COX7B2: variants seen among roughly 807,000 people sequenced by gnomAD.
COX7B2 encodes the protein cytochrome c oxidase subunit 7B2, mitochondrial.
For missense variants in COX7B2, 109 were observed against 95.9 expected (o/e 1.14, Z -0.57); for synonymous variants, 37 against 32.1 (o/e 1.15, Z -0.51).
At chr4:46,880,028 G>A (rs554995158) in intron 1 of COX7B2, among the ~76,000 whole-genome samples, 7 of 152,216 alleles carry the variant, frequency 4.6e-5, no homozygotes, top group Non-Finnish European at 7.4e-5. Flanking sequence ...TCCTTGCCTC[G>A]TGCCGGTTTT....
At chr4:46,904,339 T>C (rs1216232710) in intron 1 of COX7B2, among the ~76,000 whole-genome samples, 1 of 151,944 alleles carries the variant, frequency 6.6e-6, no homozygotes, top group Non-Finnish European at 1.5e-5. Context: ...AAAGAGCAGC[T>C]AGAACTCAAA....
chr4:46,877,047 G>A (rs929771237), intron 1 of COX7B2, among the ~76,000 whole-genome samples: 4 of 152,088 alleles, frequency 2.6e-5, no homozygotes, highest in African/African-American at 7.2e-5. Flanking sequence ...AGAATCGAAC[G>A]ACTCTCAAAA....
At chr4:46,859,881 A>G (rs1577666896) in intron 1 of COX7B2, among the ~76,000 whole-genome samples, 1 of 152,362 alleles carries the variant, frequency 6.6e-6, no homozygotes, top group South Asian at 2.1e-4. Flanking sequence ...CAGCTAGTCA[A>G]CAGCCTGTAA....
chr4:46,816,063 T>TC (rs2109677150), intron 2 of COX7B2, among the ~76,000 whole-genome samples: 1 of 152,274 alleles, frequency 6.6e-6, no homozygotes, highest in African/African-American at 2.4e-5. Context: ...CCACTCTCGG[T>TC]CAGTCCTCTG....
chr4:46,895,907 T>G (rs1280889427), intron 1 of COX7B2, among the ~76,000 whole-genome samples: 1 of 152,192 alleles, frequency 6.6e-6, no homozygotes, highest in African/African-American at 2.4e-5. Context: ...GAGTTCTTTC[T>G]ATTGCACTTT....
chr4:46,770,348 A>T (rs1716805135), intron 2 of COX7B2, among the ~76,000 whole-genome samples: 1 of 152,180 alleles, frequency 6.6e-6, no homozygotes, highest in Non-Finnish European at 1.5e-5. Context: ...CTGAAGACAC[A>T]AATAAATGAA....
chr4:46,871,905 CA>C (rs1436376942), intron 1 of COX7B2, among the ~76,000 whole-genome samples: 3 of 152,100 alleles, frequency 2.0e-5, no homozygotes, highest in Non-Finnish European at 4.4e-5. Context: ...TTGTAGAAAG[CA>C]GTATGGTGAT....
intron 2 of COX7B2, among the ~76,000 whole-genome samples, chr4:46,760,385 G>A (rs1325448894): frequency 6.6e-6 from 1 of 152,094 alleles, no homozygotes; most frequent in Non-Finnish European, 1.5e-5. Flanking sequence ...TCATAAAAAA[G>A]GATGAGTTCA....
chr4:46,883,297 G>A (rs1049994864), intron 1 of COX7B2, among the ~76,000 whole-genome samples: 2 of 151,878 alleles, frequency 1.3e-5, no homozygotes, highest in South Asian at 2.1e-4. Flanking sequence ...TGTAGATCTG[G>A]TATTTTGGTA....
intron 2 of COX7B2, among the ~76,000 whole-genome samples, chr4:46,816,474 T>A (rs1719556270): frequency 6.6e-6 from 1 of 152,186 alleles, no homozygotes; most frequent in Non-Finnish European, 1.5e-5. Context: ...TACTCATAAC[T>A]CTTTAAAAAG....
intron 1 of COX7B2, among the ~76,000 whole-genome samples, chr4:46,904,277 A>G (rs1298312394): frequency 6.6e-6 from 1 of 152,170 alleles, no homozygotes; most frequent in Non-Finnish European, 1.5e-5. Context: ...ACACTAGAGA[A>G]AAAATATTTC....
rs142410190 is a variant in COX7B2, at chr4:46,865,634, G to A, written c.-104-20620C>T. Among the ~76,000 whole-genome samples, 681 of 152,074 alleles carry A rather than the reference G, an allele frequency of 4.5e-3. 7 individuals carry two copies. Among genetic ancestry groups the A allele is most frequent in the African/African-American group, 0.016 (660 of 41,470 alleles). On this transcript the variant is annotated intron_variant, in intron 1 of 2. Transcript: ENST00000355591. ...ATCTTTTGTCCTTGTTGGGTGTAGA[G>A]GCCACTCTAAGGTCCACCCAGACAT...
At chr4:46,754,695 T>C (rs1715644823) in intron 2 of COX7B2, among the ~76,000 whole-genome samples, 2 of 114,500 alleles carry the variant, frequency 1.7e-5, no homozygotes, top group South Asian at 7.1e-4. Flanking sequence ...TACAATAAAA[T>C]ACGTGTGTGT....
chr4:46,883,822 C>T (rs1354595406), intron 1 of COX7B2, among the ~76,000 whole-genome samples: 4 of 151,582 alleles, frequency 2.6e-5, no homozygotes, highest in Admixed American at 6.6e-5. Flanking sequence ...TTGTCAAGGT[C>T]TCAAAACTTA....
chr4:46,855,417 A>G (rs911237274), intron 1 of COX7B2, among the ~76,000 whole-genome samples: 1 of 152,088 alleles, frequency 6.6e-6, no homozygotes, highest in African/African-American at 2.4e-5. Flanking sequence ...AGGAGTAAGT[A>G]TCGAAAATAA....
chr4:46,876,359 T>C (rs569557923), intron 1 of COX7B2, among the ~76,000 whole-genome samples: 75 of 152,056 alleles, frequency 4.9e-4, no homozygotes, highest in Admixed American at 8.5e-4. Context: ...AAGGGAAGAA[T>C]GATCCTCTGA....
rs1435469407 is a variant in COX7B2 at position 46,900,098 on chromosome 4, CA to C, written c.-105+9061del. Among the ~76,000 whole-genome samples the C allele has an allele frequency of 2.6e-5, 4 of 152,158 alleles. No homozygotes were observed. The East Asian group carries it at 7.7e-4, about 29-fold the overall frequency. On this transcript the variant is annotated intron_variant, in intron 1 of 2. Transcript: ENST00000355591. ...AATGATGGAGCTAACTGTTCTGATCCAAAATTAAACTTAGCTCTCCCAAAAT... is the reference window on the plus strand; with the variant it reads ...AATGATGGAGCTAACTGTTCTGATCCAAATTAAACTTAGCTCTCCCAAAAT...
At chr4:46,822,216 T>A (rs1180783525) in intron 2 of COX7B2, among the ~76,000 whole-genome samples, 4 of 152,118 alleles carry the variant, frequency 2.6e-5, no homozygotes, top group Non-Finnish European at 5.9e-5. Context: ...CAGCCTCAAT[T>A]GTTTCCAATA....
chr4:46,764,862 T>C (rs1457235494), intron 2 of COX7B2, among the ~76,000 whole-genome samples: 1 of 150,784 alleles, frequency 6.6e-6, no homozygotes, highest in African/African-American at 2.4e-5. Flanking sequence ...CACAAAAAAA[T>C]TATCACATCA....
Sources: allele counts gnomAD v4.1 joint callset (sites outside exome capture counted in the v4.1 genomes callset), GRCh38; gene constraint gnomAD v4.1.1; transcripts MANE v1.5; gene names NCBI Gene and HGNC (gene_info 2026-07-23, HGNC 2026-07-21).